BRSK1: variants seen among roughly 807,000 people sequenced by gnomAD.
The protein encoded by BRSK1 is serine/threonine-protein kinase BRSK1.
In BRSK1, 17 loss-of-function variants were observed where a neutral mutation model predicts 86.2. The observed-to-expected ratio is 0.20, with a 90% CI of 0.14 to 0.30. BRSK1 has a LOEUF of 0.30. BRSK1 is among the 10% of genes least tolerant of loss of function. The pLI is 1.00. For synonymous variants in BRSK1, 464 were observed against 440.1 expected, an observed-to-expected ratio of 1.05 and a Z score of -0.68; for missense variants, 719 against 1,071.9, an observed-to-expected ratio of 0.67 and a Z score of 4.60.
rs536843555 is a variant in BRSK1 at position 55,310,014 on chromosome 19, A to G, written c.2179+1286A>G. 6.6e-6 allele frequency among the ~76,000 whole-genome samples: 1 copy of G among 152,202 alleles called. No homozygotes were observed. Among genetic ancestry groups the G allele is most frequent in the African/African-American group, 2.4e-5 (1 of 41,458 alleles). Reference sequence around the variant, plus strand: ...CGGCCCAGCGTTGAGGCCAGGAGCCAGGGCAGCTTTGGCCTTGTCACCAGA... The same window carrying G: ...CGGCCCAGCGTTGAGGCCAGGAGCCGGGGCAGCTTTGGCCTTGTCACCAGA... On this transcript the variant is annotated intron_variant, in intron 18 of 18. Transcript: ENST00000309383. This position sits in a 1 kb window ranked among gnomAD's most constrained non-coding sequence, Gnocchi z 5.0.
Position 55,284,348 on chromosome 19 carries a change from CG to C in BRSK1, c.-92del. ...AGAGGTGGGGGGCAGCCGGGGGGGC[CG>C]GGACGGAGCGGTCGCCGGCCCCCAC... is the stretch of plus-strand genomic sequence containing the variant. On this transcript the variant is annotated 5_prime_UTR_variant, in exon 1 of 19. Transcript: ENST00000309383. 1 of 898,856 alleles carries C rather than the reference CG, an allele frequency of 1.1e-6. No homozygotes were observed. The highest frequency in any genetic ancestry group is 1.5e-6 in the Non-Finnish European group (1 of 680,302). 55.7% of individuals were successfully genotyped at this position (898,856 alleles called of 1,614,324 possible). A position where few individuals can be genotyped will look rare whatever the true frequency, so the allele number is the denominator to read the frequency against.
At chr19:55,297,845 G>A (rs190910069) in intron 7 of BRSK1, among the ~76,000 whole-genome samples, 99 of 152,074 alleles carry the variant, frequency 6.5e-4, no homozygotes, top group Middle Eastern at 6.8e-3. Flanking sequence ...ACGGAGTTTC[G>A]CTCTTGTCGC....
chr19:55,303,254 G>A lies in BRSK1; in HGVS notation c.1029-57G>A. 7.4e-7 allele frequency: 1 copy of A among 1,360,434 alleles called. No homozygotes were observed. The highest frequency in any genetic ancestry group is 1.1e-6 in the Non-Finnish European group (1 of 950,046). 84.3% of individuals were successfully genotyped at this position (1,360,434 alleles called of 1,614,324 possible). On this transcript the variant is annotated intron_variant, in intron 10 of 18. Transcript: ENST00000309383. This position sits in a 1 kb window ranked among gnomAD's most constrained non-coding sequence, Gnocchi z 5.1. Reference sequence around the variant, plus strand: ...GCGGAGGAGACCTCCTCTGAGCATTGATGTTGGACCTCAGCCCTCTGCTAC... The same window carrying A: ...GCGGAGGAGACCTCCTCTGAGCATTAATGTTGGACCTCAGCCCTCTGCTAC...
At chr19:55,309,075 G>A (rs73605140) in intron 18 of BRSK1, among the ~76,000 whole-genome samples, 2,804 of 152,138 alleles carry the variant, frequency 0.018, 90 homozygotes, top group African/African-American at 0.065. Context: ...GGAACATCCT[G>A]CCAACAGAGG....
Position 55,306,599 on chromosome 19 carries a change from C to G in BRSK1, c.2089+149C>G. The G allele has an allele frequency of 1.2e-6, 1 of 836,482 alleles. No homozygotes were observed. The highest frequency in any genetic ancestry group is 1.9e-6 in the Non-Finnish European group (1 of 535,242). The allele number at this position is 836,482 out of a possible 1,614,324, so 51.8% of individuals were successfully genotyped here. A position where few individuals can be genotyped will look rare whatever the true frequency, so the allele number is the denominator to read the frequency against. On this transcript the variant is annotated intron_variant, in intron 17 of 18. Transcript: ENST00000309383. The surrounding 1 kb of genome is among the most constrained non-coding windows in gnomAD (Gnocchi z 4.7). ...TCTGTGCTCCTCCTGCCCACACAGA[C>G]CGCCCCACAAGCCCATCCTCTATTT... is the stretch of plus-strand genomic sequence containing the variant.
chr19:55,288,101 C>T (rs1202405540), intron 3 of BRSK1: 3 of 152,280 alleles, frequency 2.0e-5, no homozygotes, highest in African/African-American at 7.2e-5. Flanking sequence ...CATGGTCGCT[C>T]CCACTCCACT....
chr19:55,285,968 T>TGGG (rs1161747971), intron 1 of BRSK1, among the ~76,000 whole-genome samples: 1 of 138,978 alleles, frequency 7.2e-6, no homozygotes, highest in Non-Finnish European at 1.6e-5. Context: ...GAGGAGGGGC[T>TGGG]GGGCCTGGAG....
chr19:55,299,235 G>T (rs1304746784), intron 7 of BRSK1, among the ~76,000 whole-genome samples: 1 of 152,164 alleles, frequency 6.6e-6, no homozygotes, highest in African/African-American at 2.4e-5. Flanking sequence ...TGACGAGAGG[G>T]TCAAAGGAAG....
chr19:55,293,764 C>T (rs1416453714), intron 4 of BRSK1, among the ~76,000 whole-genome samples: 8 of 152,154 alleles, frequency 5.3e-5, no homozygotes, highest in African/African-American at 1.9e-4. Flanking sequence ...GAGCCGAGAT[C>T]ATGCCACTGC....
chr19:55,288,829 C>T (rs1373356745), intron 3 of BRSK1, among the ~76,000 whole-genome samples: 1 of 152,118 alleles, frequency 6.6e-6, no homozygotes, highest in East Asian at 1.9e-4. Context: ...AAGTGATCCA[C>T]CCACTTCGGC....
At position 55,284,073 on chromosome 19, in the gene BRSK1, A is replaced by G. The variant is rs1600165385; in HGVS notation, c.-370A>G. ...CGGAGAGGAGGAGGAGGCGGAGGAGAGAGGGCGCGTGGGGGGGCGGGGGGG... is the reference window on the plus strand; with the variant it reads ...CGGAGAGGAGGAGGAGGCGGAGGAGGGAGGGCGCGTGGGGGGGCGGGGGGG... On this transcript the variant is annotated 5_prime_UTR_variant, in exon 1 of 19. Transcript: ENST00000309383. The G allele has an allele frequency of 2.2e-6, 1 of 454,018 alleles. No individual in the cohort carries two copies. Among genetic ancestry groups the G allele is most frequent in the Non-Finnish European group, 3.2e-6 (1 of 316,018 alleles). The allele number at this position is 454,018 out of a possible 1,614,324, so 28.1% of individuals were successfully genotyped here. A position where few individuals can be genotyped will look rare whatever the true frequency, so the allele number is the denominator to read the frequency against.
At chr19:55,288,807 A>G (rs1343715693) in intron 3 of BRSK1, among the ~76,000 whole-genome samples, 4 of 151,312 alleles carry the variant, frequency 2.6e-5, no homozygotes, top group Non-Finnish European at 5.9e-5. Context: ...CTGGTCTTGA[A>G]CTCCTGATCT....
At position 55,312,164 on chromosome 19, in the gene BRSK1, A is replaced by T; in HGVS notation, c.*96A>T. 8.7e-6 allele frequency: 5 copies of T among 573,290 alleles called. No homozygotes were observed. Among genetic ancestry groups the T allele is most frequent in the East Asian group, 3.5e-5 (1 of 28,330 alleles). 35.5% of individuals were successfully genotyped at this position (573,290 alleles called of 1,614,324 possible). Reference sequence around the variant, plus strand: ...AATAAGGCCCAAGGAACATGTCGGGAGGGGGGTGGACACAAAAACCGGCCT... The same window carrying T: ...AATAAGGCCCAAGGAACATGTCGGGTGGGGGGTGGACACAAAAACCGGCCT... On this transcript the variant is annotated 3_prime_UTR_variant, in exon 19 of 19. Transcript: ENST00000309383.
chr19:55,308,960 G>A (rs887491899), intron 18 of BRSK1, among the ~76,000 whole-genome samples: 12 of 152,146 alleles, frequency 7.9e-5, no homozygotes, highest in Non-Finnish European at 1.6e-4. Flanking sequence ...AGAGTTGTGA[G>A]CAGGTTCCCC....
chr19:55,288,282 C>T (rs994811112), intron 3 of BRSK1, among the ~76,000 whole-genome samples: 1 of 151,904 alleles, frequency 6.6e-6, no homozygotes, highest in Non-Finnish European at 1.5e-5. Context: ...TCGAGACCAG[C>T]CTGAGCAACA....
At chr19:55,291,522 GAA>G (rs1335274777) in intron 4 of BRSK1, among the ~76,000 whole-genome samples, 1 of 152,152 alleles carries the variant, frequency 6.6e-6, no homozygotes, top group Non-Finnish European at 1.5e-5. Flanking sequence ...TCAAAAAAAA[GAA>G]AAGTTATTAT....
chr19:55,301,567 G>A lies in BRSK1; in HGVS notation c.734G>A (p.Arg245Gln). Residue 245 changes from arginine to glutamine, a missense_variant, in exon 8 of 19, where the codon CGG becomes CAG. Around this residue, in one of 6 missense-constraint regions of BRSK1, gnomAD observed 75 missense variants for 281.0 expected, o/e 0.27. Coordinates refer to ENST00000309383, the MANE Select transcript of BRSK1 (RefSeq NM_032430.2). ...CGCCAGCTGCTGGAGAAGGTGAAACGGGGCGTCTTCCACATGCCCCACTTC... is the reference window on the plus strand; with the variant it reads ...CGCCAGCTGCTGGAGAAGGTGAAACAGGGCGTCTTCCACATGCCCCACTTC... The part of the protein sequence containing the change: ...NLRQLLEKVK[R>Q]GVFHMPHFIP... 6.2e-7 allele frequency: 1 copy of A among 1,613,844 alleles called. No individual in the cohort carries two copies. Among genetic ancestry groups the A allele is most frequent in the South Asian group, 1.1e-5 (1 of 90,966 alleles).
rs1283788741 is a variant in BRSK1 at position 55,287,525 on chromosome 19, C to A, written c.317+226C>A. 2.6e-5 allele frequency among the ~76,000 whole-genome samples: 4 copies of A among 152,202 alleles called. No homozygotes were observed. The highest frequency in any genetic ancestry group is 9.6e-5 in the African/African-American group (4 of 41,456). ...GCCTGAGGCCAAGGGCAACCATCCT[C>A]CTACCGTGTCCCCAGCTCCAGCTCC... On this transcript the variant is annotated intron_variant, in intron 3 of 18. Transcript: ENST00000309383. This position sits in a 1 kb window ranked among gnomAD's most constrained non-coding sequence, Gnocchi z 5.3.
In BRSK1 at chr19:55,304,958, G is replaced by C; in HGVS notation, c.1717+38G>C. On this transcript the variant is annotated intron_variant, in intron 14 of 18. Transcript: ENST00000309383. The surrounding 1 kb of genome is among the most constrained non-coding windows in gnomAD (Gnocchi z 5.2). ...GAACTGCCGAGTCCTAATGTGGGGAGAGGTTGGGGCTAAAAATCTGGTTCC... is the reference window on the plus strand; with the variant it reads ...GAACTGCCGAGTCCTAATGTGGGGACAGGTTGGGGCTAAAAATCTGGTTCC... The C allele has an allele frequency of 6.3e-7, 1 of 1,597,472 alleles. No homozygotes were observed. The highest frequency in any genetic ancestry group is 8.5e-7 in the Non-Finnish European group (1 of 1,178,246).
Sources: allele counts gnomAD v4.1 joint callset (sites outside exome capture counted in the v4.1 genomes callset), GRCh38; gene constraint gnomAD v4.1.1; regional missense constraint gnomAD v4.1.1; non-coding constraint Gnocchi (gnomAD v3.1); transcripts MANE v1.5; gene names NCBI Gene and HGNC (gene_info 2026-07-23, HGNC 2026-07-21).